TLCD3B: variants seen among roughly 807,000 people sequenced by gnomAD.
TLCD3B encodes TLC domain containing 3B.
In TLCD3B, 9 loss-of-function variants were observed where a neutral mutation model predicts 23.0. The observed-to-expected ratio is 0.39, with a 90% confidence interval of 0.24 to 0.68. The LOEUF is 0.68. TLCD3B is among the 30% of genes least tolerant of loss of function. The pLI, the probability that TLCD3B is intolerant of heterozygous loss-of-function variation, is 0.44. For missense variants in TLCD3B, 307 were observed against 371.8 expected, an observed-to-expected ratio of 0.83 and a Z score of 1.43; for synonymous variants, 161 against 161.0, an observed-to-expected ratio of 1.00 and a Z score of 0.00.
chr16:30,040,147 A>AT (rs1555475530), intron 3 of TLCD3B, among the ~76,000 whole-genome samples: 4,646 of 95,760 alleles, frequency 0.049, 136 homozygotes, highest in African/African-American at 0.059. Flanking sequence ...AAAAAAAAAA[A>AT]ATATATATAT....
chr16:30,037,204 A>C, intron 3 of TLCD3B, among the ~76,000 whole-genome samples: 1 of 151,886 alleles, frequency 6.6e-6, no homozygotes, highest in Non-Finnish European at 1.5e-5. Context: ...CCAGGAGTTC[A>C]AGACCAGTTT....
intron 2 of TLCD3B, among the ~76,000 whole-genome samples, chr16:30,043,511 A>G (rs2071610680): frequency 6.6e-6 from 1 of 152,070 alleles, no homozygotes; most frequent in African/African-American, 2.4e-5. Flanking sequence ...TATAGGCACA[A>G]ATCACGTGTC....
Position 30,030,502 on chromosome 16 carries a change from C to A in TLCD3B, c.26G>T (p.Gly9Val). 1 of 1,592,716 alleles carries A rather than the reference C, an allele frequency of 6.3e-7. No homozygotes were observed. Among genetic ancestry groups the A allele is most frequent in the Non-Finnish European group, 8.5e-7 (1 of 1,172,296 alleles). MLTPMVAG[G>V]VVFPGLFLLS... ...GAGGAAGAGTCCGGGGAACACCACCCCCCCGGCCACCATCGGGGTCAGCAT... is the reference window on the plus strand; with the variant it reads ...GAGGAAGAGTCCGGGGAACACCACCACCCCGGCCACCATCGGGGTCAGCAT... Residue 9 changes from glycine (G) to valine (V), a missense_variant, in exon 1 of 5, where the codon GGG (glycine) becomes GTG (valine). Physicochemically the swap from Gly to Val is moderately radical, Grantham distance 109. Coordinates refer to ENST00000380495, the MANE Select transcript of TLCD3B (RefSeq NM_031478.6).
chr16:30,025,251 A>G lies in TLCD3B; in HGVS notation c.757T>C (p.Cys253Arg). ...APQLYWFFLI[C>R]RGACRLFWPR... ...CAGAAGAGGCGGCAGGCCCCACGGC[A>G]GATGAGGAAGAACCAGTAGAGCTGA... is the stretch of plus-strand genomic sequence containing the variant. Residue 253 changes from cysteine to arginine, a missense_variant, in exon 5 of 5, where the codon TGC becomes CGC. Cys to Arg is a radical substitution (Grantham distance 180). Coordinates refer to ENST00000380495, the MANE Select transcript of TLCD3B (RefSeq NM_031478.6). This position sits in a 1 kb window ranked among gnomAD's most constrained non-coding sequence, Gnocchi z 4.1. 6.5e-7 allele frequency: 1 copy of G among 1,534,086 alleles called. No homozygotes were observed. Among genetic ancestry groups the G allele is most frequent in the Non-Finnish European group, 8.8e-7 (1 of 1,141,388 alleles).
At chr16:30,050,486 G>A (rs1438036660) in intron 1 of TLCD3B, among the ~76,000 whole-genome samples, 5 of 152,162 alleles carry the variant, frequency 3.3e-5, no homozygotes, top group South Asian at 4.1e-4. Context: ...CTGTTGTGGT[G>A]AGCCATGATT....
chr16:30,047,702 A>G (rs1004432899), intron 1 of TLCD3B, among the ~76,000 whole-genome samples: 11 of 145,642 alleles, frequency 7.6e-5, no homozygotes, highest in African/African-American at 2.8e-4. Flanking sequence ...CAGGTGATCC[A>G]CCCGCCTCAG....
intron 2 of TLCD3B, among the ~76,000 whole-genome samples, chr16:30,043,047 C>T (rs2071602034): frequency 6.6e-6 from 1 of 151,998 alleles, no homozygotes; most frequent in African/African-American, 2.4e-5. Context: ...CTGCAGTGAG[C>T]CGAGATCAGA....
At chr16:30,043,132 T>C (rs1169728072) in intron 2 of TLCD3B, among the ~76,000 whole-genome samples, 1 of 152,050 alleles carries the variant, frequency 6.6e-6, no homozygotes, top group Non-Finnish European at 1.5e-5. Context: ...TTATAGAGCA[T>C]TTACTAGACA....
chr16:30,035,192 G>A (rs368825741), upstream of TLCD3B: 59 of 801,326 alleles, frequency 7.4e-5, 1 homozygote, highest in East Asian at 1.7e-3. Context: ...AATTATAGGC[G>A]TGAGCCACCA....
Position 30,030,651 on chromosome 16 carries a change from G to A in TLCD3B, c.-124C>T. The A allele has an allele frequency of 2.2e-6, 3 of 1,362,852 alleles. No homozygotes were observed. The highest frequency in any genetic ancestry group is 2.8e-6 in the Non-Finnish European group (3 of 1,059,584). The allele number at this position is 1,362,852 out of a possible 1,614,324, so 84.4% of individuals were successfully genotyped here. On this transcript the variant is annotated 5_prime_UTR_variant, in exon 1 of 5. Coordinates refer to ENST00000380495, the MANE Select transcript of TLCD3B (RefSeq NM_031478.6). ...AAGGAGGGAGAAAACGATGAGAAGGGGCACAAAGGGGCCAGGGCGGGGACG... is the reference window on the plus strand; with the variant it reads ...AAGGAGGGAGAAAACGATGAGAAGGAGCACAAAGGGGCCAGGGCGGGGACG...
intron 2 of TLCD3B, chr16:30,046,216 C>T (rs1336591744): frequency 6.6e-6 from 1 of 152,566 alleles, no homozygotes; most frequent in Non-Finnish European, 1.5e-5. Flanking sequence ...GCCTCTGTGA[C>T]TTTGGCCACC....
chr16:30,035,062 C>A (rs1596760660), upstream of TLCD3B: 1 of 232,868 alleles, frequency 4.3e-6, no homozygotes, highest in Non-Finnish European at 8.8e-6. Context: ...CAGGCACCTG[C>A]CACCATACCT....
intron 3 of TLCD3B, among the ~76,000 whole-genome samples, chr16:30,026,152 T>C (rs1292832734): frequency 2.0e-5 from 3 of 151,974 alleles, no homozygotes; most frequent in African/African-American, 7.3e-5. Context: ...GGAGAATCAC[T>C]TGAACTCAGG....
Position 30,030,804 on chromosome 16 carries a change from G to C in TLCD3B, c.-277C>G. ...GCGAGGGATGGGGAGAGGCAAAGAGGGGATGGCTTGGTGAGGGACAGAGAG... is the reference window on the plus strand; with the variant it reads ...GCGAGGGATGGGGAGAGGCAAAGAGCGGATGGCTTGGTGAGGGACAGAGAG... On this transcript the variant is annotated 5_prime_UTR_variant, in exon 1 of 5. Transcript: ENST00000380495. 1 of 1,206,098 alleles carries C rather than the reference G, an allele frequency of 8.3e-7. No individual in the cohort carries two copies. Among genetic ancestry groups the C allele is most frequent in the Non-Finnish European group, 1.0e-6 (1 of 970,828 alleles). The allele number at this position is 1,206,098 out of a possible 1,614,324, so 74.7% of individuals were successfully genotyped here. A position where few individuals can be genotyped will look rare whatever the true frequency, so the allele number is the denominator to read the frequency against.
At chr16:30,027,089 A>G (rs1313755258) in intron 2 of TLCD3B, 1 of 622,572 alleles carries the variant, frequency 1.6e-6, no homozygotes, top group Non-Finnish European at 3.0e-6. Context: ...TCTCTGCAGT[A>G]TAGTCGGGGG....
rs757511343 is a variant in TLCD3B at position 30,029,561 on chromosome 16, C to G, written c.126-46G>C. 6.7e-7 allele frequency: 1 copy of G among 1,503,664 alleles called. No individual in the cohort carries two copies. Among genetic ancestry groups the G allele is most frequent in the East Asian group, 2.3e-5 (1 of 44,000 alleles). The allele number at this position is 1,503,664 out of a possible 1,614,324, so 93.1% of individuals were successfully genotyped here. On this transcript the variant is annotated intron_variant, in intron 1 of 4. Transcript: ENST00000380495. The surrounding 1 kb of genome is among the most constrained non-coding windows in gnomAD (Gnocchi z 4.6). ...TGCTAGAAAGGCAGAAGGGAAGAGG[C>G]GTGTGCCTTGATTTCTCCTCGTTGC...
In TLCD3B at chr16:30,025,214, C is replaced by T. The variant is rs775568160; in HGVS notation, c.794G>A (p.Arg265Gln). ...GACRLFWPRS[R>Q]PPPACQAQD is the part of the protein sequence containing the mutation. ...CTGGGCCTGGCAGGCCGGGGGCGGC[C>T]GGGAGCGGGGCCAGAAGAGGCGGCA... is the stretch of plus-strand genomic sequence containing the variant. Residue 265 changes from arginine (R) to glutamine (Q), a missense_variant, in exon 5 of 5, where the codon CGG (arginine) becomes CAG (glutamine). By Grantham distance (43) the Arg-to-Gln change is conservative (BLOSUM62 1). Coordinates refer to ENST00000380495, the MANE Select transcript of TLCD3B (RefSeq NM_031478.6). The surrounding 1 kb of genome is among the most constrained non-coding windows in gnomAD (Gnocchi z 4.1). 3.0e-5 allele frequency: 45 copies of T among 1,498,122 alleles called. No homozygotes were observed. Among genetic ancestry groups the T allele is most frequent in the Admixed American group, 1.3e-4 (5 of 38,812 alleles). 92.8% of individuals were successfully genotyped at this position (1,498,122 alleles called of 1,614,324 possible).
At position 30,030,606 on chromosome 16, in the gene TLCD3B, G is replaced by C; in HGVS notation, c.-79C>G. Reference sequence around the variant, plus strand: ...CCGAGTGGAAGGAGTTAGGGGTGGAGAAGGGACGCCAAGCCCGGGAAGGAG... The same window carrying C: ...CCGAGTGGAAGGAGTTAGGGGTGGACAAGGGACGCCAAGCCCGGGAAGGAG... On this transcript the variant is annotated 5_prime_UTR_variant, in exon 1 of 5. Transcript: ENST00000380495. 7.0e-7 allele frequency: 1 copy of C among 1,424,336 alleles called. No individual in the cohort carries two copies. Among genetic ancestry groups the C allele is most frequent in the Non-Finnish European group, 9.2e-7 (1 of 1,087,638 alleles). The allele number at this position is 1,424,336 out of a possible 1,614,324, so 88.2% of individuals were successfully genotyped here. A position where few individuals can be genotyped will look rare whatever the true frequency, so the allele number is the denominator to read the frequency against.
At chr16:30,031,678 G>A (rs375556819), upstream of TLCD3B, among the ~76,000 whole-genome samples, 2 of 152,344 alleles carry the variant, frequency 1.3e-5, no homozygotes, top group African/African-American at 2.4e-5. Flanking sequence ...CATCCTCAGA[G>A]CCAGAGGCCC....
Sources: gnomAD v4.1 joint callset for allele counts (sites outside exome capture counted in the v4.1 genomes callset) on GRCh38, gnomAD v4.1.1 for gene constraint, Gnocchi (gnomAD v3.1) non-coding constraint, MANE v1.5 for transcripts, NCBI Gene and HGNC (gene_info 2026-07-23, HGNC 2026-07-21) for gene names.